Variants in RRM2B observed in about 807,000 individuals in gnomAD.
RRM2B encodes ribonucleotide reductase regulatory TP53 inducible subunit M2B.
RRM2B carries 20 observed loss-of-function variants against 45.9 expected under a neutral mutation model. The ratio of observed to expected loss-of-function variants is 0.44; its 90% confidence interval spans 0.31 to 0.63. The LOEUF (loss-of-function observed/expected upper bound fraction) is 0.63, where lower values mean the gene tolerates loss of function less well. Among genes scored for constraint, RRM2B ranks in the 30% least tolerant of loss-of-function variants. The probability of loss-of-function intolerance (pLI) is 0.09; values close to 1 mark genes in which losing one functional copy is unlikely to be tolerated. For missense variants in RRM2B, 320 were observed against 414.7 expected, an observed-to-expected ratio of 0.77 and a Z score of 1.98; for synonymous variants, 124 against 132.3, an observed-to-expected ratio of 0.94 and a Z score of 0.43.
rs1262223366 is a variant in RRM2B at position 102,223,918 on chromosome 8, G to A, written c.550+128C>T. 7.9e-6 allele frequency: 6 copies of A among 757,520 alleles called. No individual in the cohort carries two copies. The Admixed American group carries it at 8.9e-5, about 11-fold the overall frequency. 46.9% of individuals were successfully genotyped at this position (757,520 alleles called of 1,614,324 possible). A position where few individuals can be genotyped will look rare whatever the true frequency, so the allele number is the denominator to read the frequency against. On this transcript the variant is annotated intron_variant, in intron 5 of 8. Coordinates refer to ENST00000251810, the MANE Select transcript of RRM2B (RefSeq NM_015713.5). ...ATTAGGAATAATGATTTTGGTAAAG[G>A]TGCATTTGAGACATTTGTACTCCTT...
chr8:102,221,455 A>C (rs1810834262), intron 5 of RRM2B, among the ~76,000 whole-genome samples: 1 of 152,188 alleles, frequency 6.6e-6, no homozygotes, highest in Non-Finnish European at 1.5e-5. Flanking sequence ...GCACTTCCTC[A>C]GCTGGTTAAA....
At chr8:102,216,129 C>T (rs567900040) in intron 6 of RRM2B, among the ~76,000 whole-genome samples, 2 of 151,438 alleles carry the variant, frequency 1.3e-5, no homozygotes, top group South Asian at 2.1e-4. Context: ...GCCATGAAAC[C>T]GATTTTAGTC....
In RRM2B at chr8:102,238,961, T is replaced by A; in HGVS notation, c.-87A>T. The A allele has an allele frequency of 1.4e-6, 2 of 1,421,366 alleles. No individual in the cohort carries two copies. The highest frequency in any genetic ancestry group is 2.3e-5 in the South Asian group (2 of 86,108). The allele number at this position is 1,421,366 out of a possible 1,614,324, so 88.0% of individuals were successfully genotyped here. A position where few individuals can be genotyped will look rare whatever the true frequency, so the allele number is the denominator to read the frequency against. Reference sequence around the variant, plus strand: ...CTACGACAGCACCCAGGTGGTCCGCTGGTCCGCTGGGTCCGCCCCGCCCCC... The same window carrying A: ...CTACGACAGCACCCAGGTGGTCCGCAGGTCCGCTGGGTCCGCCCCGCCCCC... On this transcript the variant is annotated 5_prime_UTR_variant, in exon 1 of 9. Coordinates refer to ENST00000251810, the MANE Select transcript of RRM2B (RefSeq NM_015713.5).
At chr8:102,237,894 G>T (rs1811149295) in intron 1 of RRM2B, among the ~76,000 whole-genome samples, 2 of 152,216 alleles carry the variant, frequency 1.3e-5, no homozygotes, top group East Asian at 3.8e-4. Flanking sequence ...GTAGGGCCAA[G>T]CATGAATCTC....
At chr8:102,224,296 C>T (rs994627321) in intron 4 of RRM2B, among the ~76,000 whole-genome samples, 156 bp from the exon 5 acceptor site, 6 of 152,196 alleles carry the variant, frequency 3.9e-5, no homozygotes, top group South Asian at 4.1e-4. Flanking sequence ...ATTCTCCTGC[C>T]TCAGCCTCCC....
rs2132537500 is a variant in RRM2B at position 102,205,825 on chromosome 8, A to G, written c.*2308T>C. 6.6e-6 allele frequency: 1 copy of G among 152,248 alleles called. No homozygotes were observed. The highest frequency in any genetic ancestry group is 6.5e-5 in the Admixed American group (1 of 15,300). The allele number at this position is 152,248 out of a possible 1,614,324, so 9.4% of individuals were successfully genotyped here. Reference sequence around the variant, plus strand: ...ATAAATGTGCAACCTGGAGGCCTGGAAAAAGAGATAGAATACCAAATAACA... The same window carrying G: ...ATAAATGTGCAACCTGGAGGCCTGGGAAAAGAGATAGAATACCAAATAACA... On this transcript the variant is annotated 3_prime_UTR_variant, in exon 9 of 9. Coordinates refer to ENST00000251810, the MANE Select transcript of RRM2B (RefSeq NM_015713.5).
intron 1 of RRM2B, chr8:102,234,866 A>G (rs28999683): frequency 0.015 from 2,384 of 154,894 alleles, 26 homozygotes; most frequent in Non-Finnish European, 0.021. Context: ...AAAACAAAAC[A>G]AAAAGAAATA....
At chr8:102,219,934 A>C (rs992814893) in intron 5 of RRM2B, among the ~76,000 whole-genome samples, 1 of 152,196 alleles carries the variant, frequency 6.6e-6, no homozygotes, top group African/African-American at 2.4e-5. Context: ...AGATGAGAGA[A>C]GACATTAAAA....
chr8:102,234,990 T>TA, intron 1 of RRM2B: 1 of 152,318 alleles, frequency 6.6e-6, no homozygotes, highest in Non-Finnish European at 1.5e-5. Flanking sequence ...ATCTGATTTT[T>TA]AAAAAATTTT....
At position 102,205,001 on chromosome 8, in the gene RRM2B, G is replaced by C. The variant is rs1379365084; in HGVS notation, c.*3132C>G. 6.6e-6 allele frequency: 1 copy of C among 152,090 alleles called. No homozygotes were observed. The highest frequency in any genetic ancestry group is 2.4e-5 in the African/African-American group (1 of 41,420). 9.4% of individuals were successfully genotyped at this position (152,090 alleles called of 1,614,324 possible). On this transcript the variant is annotated 3_prime_UTR_variant, in exon 9 of 9. Coordinates refer to ENST00000251810, the MANE Select transcript of RRM2B (RefSeq NM_015713.5). ...TTTCAAATCTTTAACTTTTTACAAA[G>C]GAGCAGAGCACTTAAAGGGAAATGG... is the stretch of plus-strand genomic sequence containing the variant.
At chr8:102,223,935 G>T in intron 5 of RRM2B, 111 bp downstream of exon 5, 1 of 806,886 alleles carries the variant, frequency 1.2e-6, no homozygotes, top group Non-Finnish European at 2.2e-6. Flanking sequence ...TGAGACATTT[G>T]TACTCCTTTT....
At chr8:102,231,848 GAC>G (rs1811034214) in intron 2 of RRM2B, among the ~76,000 whole-genome samples, 1 of 130,876 alleles carries the variant, frequency 7.6e-6, no homozygotes, top group Non-Finnish European at 1.5e-5. Flanking sequence ...TAGCCTGGGT[GAC>G]AGAGTGAGAC....
At chr8:102,231,649 T>A (rs970071087) in intron 2 of RRM2B, among the ~76,000 whole-genome samples, 4 of 152,030 alleles carry the variant, frequency 2.6e-5, no homozygotes, top group African/African-American at 9.7e-5. Flanking sequence ...GGCAGGTGGA[T>A]CACAAGGTCA....
chr8:102,237,674 G>T (rs2132568875), intron 1 of RRM2B, among the ~76,000 whole-genome samples: 1 of 152,292 alleles, frequency 6.6e-6, no homozygotes, highest in Non-Finnish European at 1.5e-5. Context: ...TAATATCCAG[G>T]TGTTAAGCCT....
rs776410082 is a variant in RRM2B, at chr8:102,212,768, C to G, written c.903+8G>C. The G allele has an allele frequency of 3.5e-6, 5 of 1,445,744 alleles. No homozygotes were observed. The African/African-American group carries it at 7.0e-5, about 20-fold the overall frequency. The allele number at this position is 1,445,744 out of a possible 1,614,324, so 89.6% of individuals were successfully genotyped here. A position where few individuals can be genotyped will look rare whatever the true frequency, so the allele number is the denominator to read the frequency against. ...TAACTAGTAGTAACACATTTTTAAA[C>G]ACATTACCTTTGAGAATCCAAGTTC... On this transcript the variant is annotated splice_region_variant and intron_variant, in intron 8 of 8. Transcript: ENST00000251810.
At chr8:102,238,534 G>A (rs1811164421) in intron 1 of RRM2B, 1 of 1,477,104 alleles carries the variant, frequency 6.8e-7, no homozygotes, top group Non-Finnish European at 9.0e-7. Context: ...AGCGTGAGGC[G>A]GATAAACGCA....
intron 8 of RRM2B, 126 bp from the exon 9 acceptor site, chr8:102,208,411 C>CCT: frequency 1.4e-6 from 1 of 739,536 alleles, no homozygotes; most frequent in Admixed American, 2.3e-5. Flanking sequence ...AAGATCATAT[C>CCT]ATTCCCCTAA....
chr8:102,235,644 T>A (rs532203576), intron 1 of RRM2B, among the ~76,000 whole-genome samples: 1 of 152,180 alleles, frequency 6.6e-6, no homozygotes, highest in East Asian at 1.9e-4. Flanking sequence ...ATTGAGACCA[T>A]CCTGGCCAAC....
chr8:102,216,805 G>A (rs190348533), intron 6 of RRM2B, among the ~76,000 whole-genome samples: 90 of 152,128 alleles, frequency 5.9e-4, no homozygotes, highest in South Asian at 5.8e-3. Flanking sequence ...CCAATAATGA[G>A]ATACCAATTA....
Sources: allele counts gnomAD v4.1 joint callset (sites outside exome capture counted in the v4.1 genomes callset), GRCh38; gene constraint gnomAD v4.1.1; transcripts MANE v1.5; gene names NCBI Gene and HGNC (gene_info 2026-07-23, HGNC 2026-07-21).